C4orf17: variants seen among roughly 807,000 people sequenced by gnomAD.
C4orf17 encodes chromosome 4 open reading frame 17, also known as uncharacterized protein C4orf17.
A neutral mutation model predicts 32.0 loss-of-function variants in C4orf17; 25 were observed. That is an observed-to-expected ratio of 0.78 (90% CI 0.57 to 1.09). C4orf17 has a LOEUF of 1.09. C4orf17 is among the 50% of genes least tolerant of loss of function. The probability of loss-of-function intolerance (pLI) is 0.00; values close to 1 mark genes in which losing one functional copy is unlikely to be tolerated. For missense variants in C4orf17, 420 were observed against 420.0 expected (o/e 1.00, Z 0.00); for synonymous variants, 149 against 145.8 (o/e 1.02, Z -0.16).
intron 2 of C4orf17, among the ~76,000 whole-genome samples, chr4:99,519,631 T>C (rs77569850): frequency 6.4e-4 from 98 of 152,304 alleles, no homozygotes; most frequent in African/African-American, 2.3e-3. Context: ...AGGATTTATA[T>C]TCTACATCAG....
intron 3 of C4orf17, among the ~76,000 whole-genome samples, chr4:99,524,157 T>A (rs1260840587): frequency 1.3e-5 from 2 of 151,922 alleles, no homozygotes; most frequent in Admixed American, 1.3e-4. Flanking sequence ...TTTTTTTGTA[T>A]TTTTTAGTGG....
chr4:99,530,395 G>T, intron 5 of C4orf17, among the ~76,000 whole-genome samples: 1 of 151,896 alleles, frequency 6.6e-6, no homozygotes, highest in South Asian at 2.1e-4. Context: ...TCTCTGTCTG[G>T]GGTTATAAAC....
Position 99,521,749 on chromosome 4 carries a change from C to T in C4orf17, c.128-751C>T, listed in dbSNP as rs1371489630. Among the ~76,000 whole-genome samples the T allele has an allele frequency of 2.6e-5, 4 of 152,310 alleles. No individual in the cohort carries two copies. In the East Asian group the frequency reaches 5.8e-4, roughly 22 times the overall value. On this transcript the variant is annotated intron_variant, in intron 2 of 8. Transcript: ENST00000326581. ...AGCCATCTCTTAATACCTGTCATAA[C>T]TCATTGATTAACAGAAAGCAATGCC...
rs780981606 is a variant in C4orf17, at chr4:99,539,227, C to T, written c.693C>T (p.His231=). Residue 231 remains histidine (H), a synonymous_variant, in exon 7 of 9, where the codon CAC becomes CAT. Transcript: ENST00000326581. ...CCGAGATAAACCTGTTAACTCATCA[C>T]AGAAGAAACACCTCAATGGAACCAG... The part of the protein sequence containing the change: ...ELAEINLLTH[H]RRNTSMEPAA... 5.6e-6 allele frequency: 9 copies of T among 1,614,108 alleles called. No homozygotes were observed. Among genetic ancestry groups the T allele is most frequent in the Non-Finnish European group, 7.6e-6 (9 of 1,179,944 alleles).
chr4:99,520,113 G>A (rs562573502), intron 2 of C4orf17, among the ~76,000 whole-genome samples: 195 of 140,430 alleles, frequency 1.4e-3, no homozygotes, highest in African/African-American at 4.5e-3. Flanking sequence ...TTTTTGAGAC[G>A]GAGTCTCGCT....
At position 99,539,289 on chromosome 4, in the gene C4orf17, C is replaced by A. The variant is rs759927117; in HGVS notation, c.755C>A (p.Pro252Gln). The stretch of plus-strand genomic sequence containing the variant: ...GGGAAGCCACCCACAGTTAAATCAC[C>A]ACCCACAGTTAAATTGCCCCCAAAT... ...ETGKPPTVKS[P>Q]PTVKLPPNFT... Residue 252 changes from proline (P) to glutamine (Q), a missense_variant, in exon 7 of 9, where the codon CCA becomes CAA. By Grantham distance (76) the Pro-to-Gln change is moderately conservative. Coordinates refer to ENST00000326581, the MANE Select transcript of C4orf17 (RefSeq NM_032149.3). 6.2e-7 allele frequency: 1 copy of A among 1,614,098 alleles called. No individual in the cohort carries two copies. The highest frequency in any genetic ancestry group is 8.5e-7 in the Non-Finnish European group (1 of 1,179,970).
chr4:99,534,948 C>T (rs981123803), intron 5 of C4orf17, among the ~76,000 whole-genome samples: 5 of 152,168 alleles, frequency 3.3e-5, no homozygotes, highest in Admixed American at 6.5e-5. Context: ...ACAATTCCCT[C>T]GGCATTTGCT....
At chr4:99,518,784 C>T (rs1337168493) in intron 2 of C4orf17, among the ~76,000 whole-genome samples, 1 of 151,570 alleles carries the variant, frequency 6.6e-6, no homozygotes, top group Non-Finnish European at 1.5e-5. Context: ...ATGTCACAGG[C>T]CCTTTCCCAC....
intron 6 of C4orf17, among the ~76,000 whole-genome samples, 154 bp from the exon 7 acceptor site, chr4:99,539,009 A>G (rs1723608927): frequency 1.3e-5 from 2 of 152,180 alleles, no homozygotes; most frequent in African/African-American, 4.8e-5. Context: ...AAATGAACCA[A>G]CTTTTCTGCA....
chr4:99,511,690 T>C (rs769863216), intron 1 of C4orf17, among the ~76,000 whole-genome samples: 1 of 152,114 alleles, frequency 6.6e-6, no homozygotes, highest in Non-Finnish European at 1.5e-5. Flanking sequence ...TGCTGTACTC[T>C]TTTCCCCTCA....
intron 5 of C4orf17, among the ~76,000 whole-genome samples, chr4:99,535,530 G>A (rs1723547154): frequency 6.6e-6 from 1 of 151,936 alleles, no homozygotes; most frequent in African/African-American, 2.4e-5. Flanking sequence ...GGTCTTTTCT[G>A]CTATGAATAC....
chr4:99,517,190 A>C (rs1472305232), intron 2 of C4orf17, among the ~76,000 whole-genome samples: 2 of 152,106 alleles, frequency 1.3e-5, no homozygotes, highest in African/African-American at 4.8e-5. Context: ...ATTTCGCAAA[A>C]TTCTCTTTAC....
intron 2 of C4orf17, 96 bp from the exon 3 acceptor site, chr4:99,522,404 A>G (rs13142939): frequency 0.29 from 269,935 of 940,876 alleles, 40,460 homozygotes; most frequent in South Asian, 0.41. Context: ...ATTTAATGAT[A>G]TTTGGTTGGG....
At position 99,537,682 on chromosome 4, in the gene C4orf17, T is replaced by C; in HGVS notation, c.560T>C (p.Leu187Pro). The C allele has an allele frequency of 6.2e-7, 1 of 1,612,096 alleles. No homozygotes were observed. Among genetic ancestry groups the C allele is most frequent in the Non-Finnish European group, 8.5e-7 (1 of 1,179,324 alleles). ...GTTCTCTGTCAGATCCTGGCAAAGC[T>C]CTGTAGCATTTTGCATACTGATTCT... ...LDQEIKILAKLCSILHTDSLA... is the reference protein window; with the variant it reads ...LDQEIKILAKPCSILHTDSLA... Residue 187 changes from leucine to proline, a missense_variant, in exon 6 of 9, where the codon CTC becomes CCC. Transcript: ENST00000326581.
chr4:99,528,530 C>T (rs184481840), intron 4 of C4orf17, among the ~76,000 whole-genome samples: 2 of 152,264 alleles, frequency 1.3e-5, no homozygotes, highest in Admixed American at 1.3e-4. Flanking sequence ...ATTATTTCTT[C>T]TTTGACTCAT....
chr4:99,535,488 T>C (rs1723546707), intron 5 of C4orf17, among the ~76,000 whole-genome samples: 1 of 152,186 alleles, frequency 6.6e-6, no homozygotes, highest in African/African-American at 2.4e-5. Context: ...CAGAAAGATA[T>C]GCTTCAAGCT....
intron 5 of C4orf17, 24 bp from the exon 6 acceptor site, chr4:99,537,645 T>G: frequency 1.9e-6 from 3 of 1,556,258 alleles, no homozygotes; most frequent in Non-Finnish European, 2.7e-6. Context: ...TTTGCTCATA[T>G]GTAACTCTAA....
Position 99,529,596 on chromosome 4 carries a change from C to A in C4orf17, c.403-219C>A, listed in dbSNP as rs565275269. On this transcript the variant is annotated intron_variant, in intron 4 of 8. Transcript: ENST00000326581. ...CAAATTTGTTATCTTGTTATTTAGC[C>A]AAGAGTTTAAAATGATTTCATCAAA... Among the ~76,000 whole-genome samples the A allele has an allele frequency of 2.0e-5, 3 of 152,186 alleles. No individual in the cohort carries two copies. The South Asian group carries it at 6.2e-4, about 32-fold the overall frequency.
At chr4:99,535,665 A>G (rs936156989) in intron 5 of C4orf17, among the ~76,000 whole-genome samples, 1 of 152,126 alleles carries the variant, frequency 6.6e-6, no homozygotes, top group Non-Finnish European at 1.5e-5. Flanking sequence ...GCTTCTTTAC[A>G]TTAGGTTACA....
Sources: allele counts gnomAD v4.1 joint callset (sites outside exome capture counted in the v4.1 genomes callset), GRCh38; gene constraint gnomAD v4.1.1; transcripts MANE v1.5; gene names NCBI Gene and HGNC (gene_info 2026-07-23, HGNC 2026-07-21).